KCNH1: variants seen among roughly 807,000 people sequenced by gnomAD.
KCNH1 encodes the protein voltage-gated delayed rectifier potassium channel KCNH1.
In KCNH1, 27 loss-of-function variants were observed where a neutral mutation model predicts 69.2. That is an observed-to-expected ratio of 0.39 (90% CI 0.29 to 0.54). The LOEUF is 0.54. Among genes scored for constraint, KCNH1 ranks in the 20% least tolerant of loss-of-function variants. The pLI, the probability that KCNH1 is intolerant of heterozygous loss-of-function variation, is 0.68. For synonymous variants in KCNH1, 456 were observed against 487.7 expected, an observed-to-expected ratio of 0.93 and a Z score of 0.86; for missense variants, 798 against 1,261.6, an observed-to-expected ratio of 0.63 and a Z score of 5.57.
intron 10 of KCNH1, among the ~76,000 whole-genome samples, chr1:210,771,942 G>A (rs965701794): frequency 2.6e-5 from 4 of 152,214 alleles, no homozygotes; most frequent in Admixed American, 6.5e-5. Context: ...GGCTTTGGAG[G>A]AAATGGAGGA....
chr1:211,116,265 T>G (rs1484014914), intron 1 of KCNH1, among the ~76,000 whole-genome samples: 2 of 152,180 alleles, frequency 1.3e-5, no homozygotes, highest in African/African-American at 4.8e-5. Flanking sequence ...ACTAAATATC[T>G]GGGCACGCCA....
At chr1:210,704,491 G>T (rs1440221482) in intron 10 of KCNH1, among the ~76,000 whole-genome samples, 3 of 152,146 alleles carry the variant, frequency 2.0e-5, no homozygotes, top group Admixed American at 6.5e-5. Flanking sequence ...ACTATCCCAT[G>T]AAGACAGCCA....
At chr1:211,126,268 G>A (rs1691774767) in intron 1 of KCNH1, among the ~76,000 whole-genome samples, 1 of 152,168 alleles carries the variant, frequency 6.6e-6, no homozygotes, top group Admixed American at 6.5e-5. Context: ...CCAGCACTTT[G>A]GGAGGCCTGA....
chr1:210,985,187 G>C (rs1250951161), intron 6 of KCNH1, among the ~76,000 whole-genome samples: 3 of 151,886 alleles, frequency 2.0e-5, no homozygotes, highest in Non-Finnish European at 4.4e-5. Context: ...TTCTTTATTA[G>C]TCTTGCTAGT....
chr1:210,713,557 C>G (rs550999163), intron 10 of KCNH1, among the ~76,000 whole-genome samples: 49 of 152,292 alleles, frequency 3.2e-4, no homozygotes, highest in African/African-American at 1.1e-3. Context: ...AATAGATCGT[C>G]TTCCTAATTG....
chr1:210,708,250 T>C (rs987356371), intron 10 of KCNH1, among the ~76,000 whole-genome samples: 1 of 152,106 alleles, frequency 6.6e-6, no homozygotes, highest in Non-Finnish European at 1.5e-5. Context: ...ACTTTCTCTA[T>C]TGCAAAGGAC....
chr1:210,706,022 A>G (rs1220653142), intron 10 of KCNH1, among the ~76,000 whole-genome samples: 1 of 152,354 alleles, frequency 6.6e-6, no homozygotes, highest in South Asian at 2.1e-4. Context: ...CCCATTTGAC[A>G]GATGAAGGGA....
intron 7 of KCNH1, among the ~76,000 whole-genome samples, chr1:210,812,574 CTTATCA>C (rs1433560545): frequency 1.3e-5 from 2 of 152,200 alleles, no homozygotes; most frequent in Non-Finnish European, 2.9e-5. Context: ...AATTTCCAGT[CTTATCA>C]TTCTTAATTC....
intron 7 of KCNH1, among the ~76,000 whole-genome samples, chr1:210,844,943 T>G (rs957101792): frequency 6.6e-6 from 1 of 152,142 alleles, no homozygotes; most frequent in South Asian, 2.1e-4. Flanking sequence ...GAGAATACTA[T>G]AAACACCTCT....
In KCNH1 at chr1:210,681,640, C is replaced by T. The variant is rs73065558; in HGVS notation, c.*1641G>A. 0.044 allele frequency: 6,708 copies of T among 152,458 alleles called. 232 individuals are homozygous for T. Among genetic ancestry groups the T allele is most frequent in the African/African-American group, 0.091 (3,768 of 41,484 alleles). 9.4% of individuals were successfully genotyped at this position (152,458 alleles called of 1,614,324 possible). A position where few individuals can be genotyped will look rare whatever the true frequency, so the allele number is the denominator to read the frequency against. ...GGTGGGGTGGTGGGCAGTCTCAGACCGGAGGCTCTCAGAAACACTGAATAT... is the reference window on the plus strand; with the variant it reads ...GGTGGGGTGGTGGGCAGTCTCAGACTGGAGGCTCTCAGAAACACTGAATAT... On this transcript the variant is annotated 3_prime_UTR_variant, in exon 11 of 11. Coordinates refer to ENST00000271751, the MANE Select transcript of KCNH1 (RefSeq NM_172362.3).
chr1:211,035,530 T>C (rs1275293025), intron 5 of KCNH1, among the ~76,000 whole-genome samples: 5 of 152,116 alleles, frequency 3.3e-5, no homozygotes, highest in Non-Finnish European at 2.9e-5. Flanking sequence ...TTACGGGTAC[T>C]GGCATTCTAA....
At chr1:210,777,810 C>A (rs937399907) in intron 9 of KCNH1, among the ~76,000 whole-genome samples, 8 of 152,206 alleles carry the variant, frequency 5.3e-5, no homozygotes, top group African/African-American at 1.9e-4. Context: ...CAACTCACAT[C>A]AAGAGGTGAA....
chr1:211,003,907 C>T (rs1456125517), intron 6 of KCNH1, among the ~76,000 whole-genome samples: 1 of 152,030 alleles, frequency 6.6e-6, no homozygotes, highest in Non-Finnish European at 1.5e-5. Context: ...TCCTGGCTAA[C>T]ACAGTGAAAC....
intron 6 of KCNH1, among the ~76,000 whole-genome samples, chr1:210,966,497 C>T (rs1688403518): frequency 6.6e-6 from 1 of 152,102 alleles, no homozygotes. Flanking sequence ...TGACAAAGGG[C>T]TAATATGCAG....
At chr1:210,707,556 G>C (rs1011973159) in intron 10 of KCNH1, among the ~76,000 whole-genome samples, 1 of 152,168 alleles carries the variant, frequency 6.6e-6, no homozygotes, top group Non-Finnish European at 1.5e-5. Flanking sequence ...TCGTGCTCTT[G>C]GCAGGCAGAG....
intron 10 of KCNH1, among the ~76,000 whole-genome samples, chr1:210,757,868 C>T (rs9430049): frequency 0.085 from 12,970 of 152,234 alleles, 1,175 homozygotes; most frequent in African/African-American, 0.22. Flanking sequence ...GCCTGGATAC[C>T]CTTAGGCAGT....
chr1:210,712,133 G>T (rs534762285), intron 10 of KCNH1, among the ~76,000 whole-genome samples: 20 of 152,118 alleles, frequency 1.3e-4, no homozygotes, highest in African/African-American at 4.6e-4. Flanking sequence ...ATGAGATGAA[G>T]TGGCCAGAAA....
intron 10 of KCNH1, among the ~76,000 whole-genome samples, chr1:210,719,965 CTG>C (rs1391369781): frequency 6.6e-6 from 1 of 152,164 alleles, no homozygotes; most frequent in Non-Finnish European, 1.5e-5. Flanking sequence ...GTGTAAATGT[CTG>C]TGTGTCCCTC....
intron 6 of KCNH1, among the ~76,000 whole-genome samples, chr1:210,929,089 T>C (rs774176828): frequency 6.6e-6 from 1 of 152,176 alleles, no homozygotes; most frequent in Admixed American, 6.6e-5. Flanking sequence ...AGTTGAATTC[T>C]ATCAGATATT....
Sources: allele counts gnomAD v4.1 joint callset (sites outside exome capture counted in the v4.1 genomes callset), GRCh38; gene constraint gnomAD v4.1.1; transcripts MANE v1.5; gene names NCBI Gene and HGNC (gene_info 2026-07-23, HGNC 2026-07-21).